TRAPPC9: variants seen among roughly 807,000 people sequenced by gnomAD.
TRAPPC9 encodes trafficking protein particle complex subunit 9.
In TRAPPC9, 83 loss-of-function variants were observed where a neutral mutation model predicts 124.0. That is an observed-to-expected ratio of 0.67 (90% CI 0.56 to 0.80). TRAPPC9 has a LOEUF of 0.80. Among genes scored for constraint, TRAPPC9 ranks in the 30% least tolerant of loss-of-function variants. TRAPPC9 has a pLI of 0.00. For missense variants in TRAPPC9, 1,302 were observed against 1,508.3 expected, an observed-to-expected ratio of 0.86 and a Z score of 2.27; for synonymous variants, 638 against 617.5, an observed-to-expected ratio of 1.03 and a Z score of -0.49.
At chr8:140,102,837 C>T (rs2130393986) in intron 17 of TRAPPC9, among the ~76,000 whole-genome samples, 1 of 152,360 alleles carries the variant, frequency 6.6e-6, no homozygotes, top group South Asian at 2.1e-4. Context: ...CTTTCAAGTC[C>T]TGCCTCTCAC....
chr8:139,956,224 T>C (rs759172637), intron 19 of TRAPPC9, among the ~76,000 whole-genome samples: 1 of 151,664 alleles, frequency 6.6e-6, no homozygotes, highest in Non-Finnish European at 1.5e-5. Context: ...TGCAGTGGTG[T>C]GATCTCGGCT....
intron 21 of TRAPPC9, among the ~76,000 whole-genome samples, chr8:139,784,608 CATAT>C (rs34583867): frequency 0.15 from 13,586 of 88,342 alleles, 1,176 homozygotes; most frequent in African/African-American, 0.21. Flanking sequence ...AAAAGACTGA[CATAT>C]ATATATATAT....
At chr8:139,891,674 G>A (rs1830355941) in intron 20 of TRAPPC9, among the ~76,000 whole-genome samples, 1 of 152,124 alleles carries the variant, frequency 6.6e-6, no homozygotes, top group Non-Finnish European at 1.5e-5. Context: ...ATCAAACTCG[G>A]GGCTTGACAT....
chr8:139,739,013 A>G (rs1818385345), intron 21 of TRAPPC9, among the ~76,000 whole-genome samples: 1 of 152,094 alleles, frequency 6.6e-6, no homozygotes, highest in Non-Finnish European at 1.5e-5. Flanking sequence ...CTGAAACCCA[A>G]CGCGCCCCAG....
At chr8:139,798,613 C>G (rs1173298784) in intron 21 of TRAPPC9, among the ~76,000 whole-genome samples, 2 of 152,162 alleles carry the variant, frequency 1.3e-5, no homozygotes, top group African/African-American at 4.8e-5. Flanking sequence ...AGGATCTGTG[C>G]TTTGAAAGAG....
At chr8:139,740,903 G>A (rs183967220) in intron 21 of TRAPPC9, among the ~76,000 whole-genome samples, 1 of 152,322 alleles carries the variant, frequency 6.6e-6, no homozygotes, top group Admixed American at 6.5e-5. Flanking sequence ...CTTCCACTGT[G>A]GTCTGGCTGT....
intron 17 of TRAPPC9, among the ~76,000 whole-genome samples, chr8:140,062,382 A>T (rs933583950): frequency 6.6e-6 from 1 of 152,142 alleles, no homozygotes; most frequent in African/African-American, 2.4e-5. Context: ...GACGTGTGTA[A>T]CCTGGCTCCT....
intron 17 of TRAPPC9, among the ~76,000 whole-genome samples, chr8:140,077,803 C>A (rs74839886): frequency 1.3e-5 from 2 of 152,082 alleles, no homozygotes; most frequent in South Asian, 4.2e-4. Context: ...GTGTAGAAAA[C>A]GGAAAGGCAG....
At chr8:140,002,844 C>CAAAA (rs56895763) in intron 18 of TRAPPC9, among the ~76,000 whole-genome samples, 70 of 68,792 alleles carry the variant, frequency 1.0e-3, no homozygotes, top group South Asian at 1.4e-3. Flanking sequence ...TTCCACTTAT[C>CAAAA]AAAAAAAAAA....
At chr8:140,356,673 G>A (rs1445958404) in intron 9 of TRAPPC9, among the ~76,000 whole-genome samples, 2 of 149,688 alleles carry the variant, frequency 1.3e-5, no homozygotes, top group Non-Finnish European at 3.0e-5. Flanking sequence ...GCAGTGGCAT[G>A]ATCTCGGCTC....
At chr8:140,321,389 C>A (rs761777279) in intron 9 of TRAPPC9, among the ~76,000 whole-genome samples, 5 of 152,216 alleles carry the variant, frequency 3.3e-5, no homozygotes, top group Non-Finnish European at 7.3e-5. Flanking sequence ...TCCAAGACTG[C>A]CTCAAAAGCA....
At chr8:139,853,401 T>C (rs1827614324) in intron 21 of TRAPPC9, among the ~76,000 whole-genome samples, 1 of 152,156 alleles carries the variant, frequency 6.6e-6, no homozygotes, top group East Asian at 1.9e-4. Context: ...ATGGTACCTA[T>C]GACTCCCCCA....
chr8:139,921,236 A>G (rs1197667705), intron 19 of TRAPPC9, among the ~76,000 whole-genome samples: 1 of 152,252 alleles, frequency 6.6e-6, no homozygotes, highest in Non-Finnish European at 1.5e-5. Context: ...CAGTCATCAC[A>G]TCACGGCAGA....
chr8:140,425,564 G>C (rs2070392223), intron 5 of TRAPPC9, among the ~76,000 whole-genome samples: 1 of 151,884 alleles, frequency 6.6e-6, no homozygotes, highest in Non-Finnish European at 1.5e-5. Context: ...ATAGCTCTAA[G>C]CTACTTCTAT....
intron 21 of TRAPPC9, among the ~76,000 whole-genome samples, chr8:139,764,797 A>G (rs1586796564): frequency 6.6e-6 from 1 of 151,922 alleles, no homozygotes; most frequent in Admixed American, 6.6e-5. Context: ...TGAGCTGCCC[A>G]CTCCCCACCA....
intron 8 of TRAPPC9, among the ~76,000 whole-genome samples, chr8:140,364,551 G>C (rs2068053794): frequency 6.6e-6 from 1 of 152,086 alleles, no homozygotes; most frequent in Non-Finnish European, 1.5e-5. Context: ...CTAAGACTCT[G>C]AGGTCTAATC....
intron 17 of TRAPPC9, among the ~76,000 whole-genome samples, chr8:140,221,208 C>T (rs1054604088): frequency 2.0e-5 from 3 of 152,164 alleles, no homozygotes; most frequent in African/African-American, 4.8e-5. Context: ...CTTTAATCAC[C>T]GCACGCCTGG....
chr8:140,049,881 T>C (rs1232958993), intron 17 of TRAPPC9, among the ~76,000 whole-genome samples: 2 of 152,144 alleles, frequency 1.3e-5, no homozygotes, highest in Non-Finnish European at 2.9e-5. Flanking sequence ...CAAGATCAAG[T>C]GGGAAAGGCT....
At position 139,901,365 on chromosome 8, in the gene TRAPPC9, T is replaced by C. The variant is rs550402159; in HGVS notation, c.2964+8782A>G. ...TGCTTTAAATGATTAATGAGCCTCT[T>C]TGCCATGACTTTGTTTTCTAATTTG... On this transcript the variant is annotated intron_variant, in intron 20 of 22. Transcript: ENST00000438773. Among the ~76,000 whole-genome samples the C allele has an allele frequency of 1.4e-3, 206 of 152,250 alleles. 1 individual carries two copies. Among genetic ancestry groups the C allele is most frequent in the Non-Finnish European group, 2.2e-3 (151 of 68,040 alleles).
Sources: allele counts gnomAD v4.1 joint callset (sites outside exome capture counted in the v4.1 genomes callset), GRCh38; gene constraint gnomAD v4.1.1; transcripts MANE v1.5; gene names NCBI Gene and HGNC (gene_info 2026-07-23, HGNC 2026-07-21).